Variants in AGPS observed in about 807,000 individuals in gnomAD.
The protein encoded by AGPS is alkyldihydroxyacetonephosphate synthase, peroxisomal.
A neutral mutation model predicts 90.7 loss-of-function variants in AGPS; 26 were observed. The observed-to-expected ratio is 0.29, with a 90% CI of 0.21 to 0.40. The LOEUF (loss-of-function observed/expected upper bound fraction) is 0.40. AGPS is among the 10% of genes least tolerant of loss of function. The probability of loss-of-function intolerance (pLI) is 1.00; values close to 1 mark genes in which losing one functional copy is unlikely to be tolerated. For synonymous variants in AGPS, 294 were observed against 285.3 expected (o/e 1.03, Z -0.31); for missense variants, 540 against 816.1 (o/e 0.66, Z 4.12).
chr2:177,502,145 A>C (rs1212958241), intron 14 of AGPS, among the ~76,000 whole-genome samples: 1 of 152,216 alleles, frequency 6.6e-6, no homozygotes, highest in African/African-American at 2.4e-5. Flanking sequence ...TTGCTTACTC[A>C]AACAAAACTT....
At chr2:177,519,152 T>A (rs1689108133) in intron 17 of AGPS, among the ~76,000 whole-genome samples, 1 of 152,192 alleles carries the variant, frequency 6.6e-6, no homozygotes, top group Non-Finnish European at 1.5e-5. Flanking sequence ...TTCAGCTCAT[T>A]TTTCCCTGCT....
intron 9 of AGPS, among the ~76,000 whole-genome samples, chr2:177,464,534 C>T (rs1021003050): frequency 6.6e-6 from 1 of 152,204 alleles, no homozygotes; most frequent in Non-Finnish European, 1.5e-5. Context: ...AAAGTTTTAA[C>T]ATCTGAAGAG....
In AGPS at chr2:177,538,390, C is replaced by G. The variant is rs2079202615; in HGVS notation, c.*195C>G. The G allele has an allele frequency of 1.7e-5, 11 of 629,688 alleles. No individual in the cohort carries two copies. The highest frequency in any genetic ancestry group is 8.1e-6 in the Non-Finnish European group (3 of 371,730). The allele number at this position is 629,688 out of a possible 1,614,324, so 39.0% of individuals were successfully genotyped here. A position where few individuals can be genotyped will look rare whatever the true frequency, so the allele number is the denominator to read the frequency against. Reference sequence around the variant, plus strand: ...TGACAGATAGTATTCCTAAATCTCTCTCATTGTAGGTACATCATTTTACAT... The same window carrying G: ...TGACAGATAGTATTCCTAAATCTCTGTCATTGTAGGTACATCATTTTACAT... On this transcript the variant is annotated 3_prime_UTR_variant, in exon 20 of 20. Transcript: ENST00000264167.
rs1177159625 is a variant in AGPS, at chr2:177,499,579, A to T, written c.1363-39A>T. The T allele has an allele frequency of 4.7e-6, 6 of 1,288,034 alleles. No homozygotes were observed. In the East Asian group the frequency reaches 1.4e-4, roughly 31 times the overall value. 79.8% of individuals were successfully genotyped at this position (1,288,034 alleles called of 1,614,324 possible). A position where few individuals can be genotyped will look rare whatever the true frequency, so the allele number is the denominator to read the frequency against. On this transcript the variant is annotated intron_variant, in intron 13 of 19. Transcript: ENST00000264167. ...ATTTTGATTTATTGTTTTGTAGGAT[A>T]AGACTTATCTGTAATAATAAATTTT... is the stretch of plus-strand genomic sequence containing the variant.
At chr2:177,482,962 T>C (rs2105694511) in intron 11 of AGPS, among the ~76,000 whole-genome samples, 1 of 152,318 alleles carries the variant, frequency 6.6e-6, no homozygotes, top group Non-Finnish European at 1.5e-5. Context: ...GGGAATGTAC[T>C]CTAGCCTCTC....
chr2:177,455,315 T>C (rs1687079951), intron 8 of AGPS, among the ~76,000 whole-genome samples: 1 of 152,182 alleles, frequency 6.6e-6, no homozygotes, highest in African/African-American at 2.4e-5. Context: ...CAATCTCAAC[T>C]CAGTGTTTGC....
At chr2:177,536,119 G>C (rs1174190505) in intron 19 of AGPS, among the ~76,000 whole-genome samples, 2 of 152,168 alleles carry the variant, frequency 1.3e-5, no homozygotes, top group Non-Finnish European at 2.9e-5. Flanking sequence ...CGATGGTTCA[G>C]TTCCTTGTGG....
At chr2:177,499,855 T>C (rs1688509469) in intron 14 of AGPS, 125 bp downstream of exon 14, 9 of 647,432 alleles carry the variant, frequency 1.4e-5, no homozygotes, top group South Asian at 7.4e-5. Context: ...AAAGTAGTTA[T>C]TAATTTCAGT....
At chr2:177,459,610 A>G (rs1687225659) in intron 8 of AGPS, among the ~76,000 whole-genome samples, 1 of 152,266 alleles carries the variant, frequency 6.6e-6, no homozygotes, top group Non-Finnish European at 1.5e-5. Flanking sequence ...AATCAAAACC[A>G]CAATGAGATA....
chr2:177,448,445 A>G (rs919983210), intron 8 of AGPS, among the ~76,000 whole-genome samples: 1 of 152,172 alleles, frequency 6.6e-6, no homozygotes, highest in Non-Finnish European at 1.5e-5. Flanking sequence ...TGCTGAACTG[A>G]TATAGCCACT....
At chr2:177,526,971 A>C (rs1376459837) in intron 19 of AGPS, among the ~76,000 whole-genome samples, 1 of 152,184 alleles carries the variant, frequency 6.6e-6, no homozygotes, top group Non-Finnish European at 1.5e-5. Context: ...TGGCCCAAAA[A>C]TCAGTAATAA....
chr2:177,496,088 A>T (rs1224495005), intron 12 of AGPS, among the ~76,000 whole-genome samples: 1 of 152,150 alleles, frequency 6.6e-6, no homozygotes, highest in Non-Finnish European at 1.5e-5. Context: ...TTATTCTTCA[A>T]AGCTATCATG....
At chr2:177,406,868 C>T (rs967585749) in intron 1 of AGPS, among the ~76,000 whole-genome samples, 3 of 152,200 alleles carry the variant, frequency 2.0e-5, no homozygotes, top group Non-Finnish European at 4.4e-5. Context: ...CTTGTGCTTT[C>T]TTCCTCTGTT....
rs144202271 is a variant in AGPS at position 177,412,259 on chromosome 2, A to C, written c.261-8010A>C. 9.6e-3 allele frequency among the ~76,000 whole-genome samples: 1,467 copies of C among 152,210 alleles called. 19 individuals are homozygous for C. Among genetic ancestry groups the C allele is most frequent in the Middle Eastern group, 0.041 (12 of 294 alleles). ...AAGAAAGTCATGGTCAGGACCCAGG[A>C]GGTATGGGTCAGAAGGAAAGGTGGG... On this transcript the variant is annotated intron_variant, in intron 1 of 19. Transcript: ENST00000264167.
chr2:177,401,593 G>T (rs1360416985), intron 1 of AGPS, among the ~76,000 whole-genome samples: 1 of 150,624 alleles, frequency 6.6e-6, no homozygotes, highest in Non-Finnish European at 1.5e-5. Context: ...TGCCCAGGCT[G>T]GTGTGCAGTG....
intron 1 of AGPS, among the ~76,000 whole-genome samples, chr2:177,417,361 C>A (rs1210613978): frequency 1.3e-5 from 2 of 152,130 alleles, no homozygotes; most frequent in African/African-American, 4.8e-5. Flanking sequence ...AGACTTGGGT[C>A]CCATCCCCAA....
chr2:177,504,296 T>G (rs1453925669), intron 14 of AGPS, among the ~76,000 whole-genome samples: 1 of 116,860 alleles, frequency 8.6e-6, no homozygotes, highest in Admixed American at 9.8e-5. Flanking sequence ...TTTTCTGACT[T>G]GTTTTCCTTT....
chr2:177,524,469 T>C (rs2079063798), intron 19 of AGPS, among the ~76,000 whole-genome samples: 1 of 152,238 alleles, frequency 6.6e-6, no homozygotes, highest in Non-Finnish European at 1.5e-5. Flanking sequence ...TGTTTGAGGT[T>C]ATCCACTTGT....
intron 1 of AGPS, chr2:177,393,263 T>C: frequency 2.0e-6 from 2 of 985,244 alleles, no homozygotes; most frequent in Non-Finnish European, 2.4e-6. Flanking sequence ...TTTTGGTCAC[T>C]ATGTGAGGGT....
Sources: gnomAD v4.1 joint callset for allele counts (sites outside exome capture counted in the v4.1 genomes callset) on GRCh38, gnomAD v4.1.1 for gene constraint, MANE v1.5 for transcripts, NCBI Gene and HGNC (gene_info 2026-07-23, HGNC 2026-07-21) for gene names.